The following SHISA9 variants were observed in gnomAD, a reference collection of about 807,000 sequenced individuals.
The protein encoded by SHISA9 is shisa family member 9, also known as protein shisa-9.
In SHISA9, 13 loss-of-function variants were observed where a neutral mutation model predicts 38.0. The observed-to-expected ratio is 0.34, with a 90% CI of 0.22 to 0.54. The LOEUF (loss-of-function observed/expected upper bound fraction) is 0.54. Ranked by LOEUF, SHISA9 falls within the 20% of genes least tolerant of loss-of-function variation. SHISA9 has a pLI of 0.91. For synonymous variants in SHISA9, 275 were observed against 242.0 expected, an observed-to-expected ratio of 1.14 and a Z score of -1.27; for missense variants, 538 against 575.8, an observed-to-expected ratio of 0.93 and a Z score of 0.67.
intron 2 of SHISA9, among the ~76,000 whole-genome samples, chr16:13,112,451 T>A (rs1041673857): frequency 7.7e-6 from 1 of 130,172 alleles, no homozygotes; most frequent in African/African-American, 3.1e-5. Context: ...ATTGGTTTTA[T>A]GGAGCTTTAC....
At chr16:13,472,099 C>T in the SHISA9 span, among the ~76,000 whole-genome samples, 1 of 152,150 alleles carries the variant, frequency 6.6e-6, no homozygotes, top group Non-Finnish European at 1.5e-5. Flanking sequence ...GCTGTGTTTT[C>T]ATTCCCTGTT....
chr16:13,291,813 C>G, the SHISA9 span, among the ~76,000 whole-genome samples: 92 of 152,198 alleles, frequency 6.0e-4, no homozygotes, highest in African/African-American at 2.1e-3. Context: ...AAAAAGCATA[C>G]TCTTATATCA....
At chr16:13,413,676 G>T in the SHISA9 span, among the ~76,000 whole-genome samples, 1 of 134,220 alleles carries the variant, frequency 7.5e-6, no homozygotes, top group Non-Finnish European at 1.5e-5. Context: ...AAAATTGCTA[G>T]AACCTGGAAG....
chr16:12,965,414 T>C (rs1329181219), intron 2 of SHISA9, among the ~76,000 whole-genome samples: 1 of 152,176 alleles, frequency 6.6e-6, no homozygotes, highest in East Asian at 1.9e-4. Flanking sequence ...CTTACTCCTT[T>C]CTCCAGCCCT....
chr16:13,474,869 C>T, the SHISA9 span, among the ~76,000 whole-genome samples: 1 of 152,074 alleles, frequency 6.6e-6, no homozygotes, highest in Non-Finnish European at 1.5e-5. Flanking sequence ...GTTGAAGGAA[C>T]AGCAAAAAGG....
chr16:13,140,023 G>C (rs896079536), intron 2 of SHISA9, among the ~76,000 whole-genome samples: 3 of 151,296 alleles, frequency 2.0e-5, no homozygotes, highest in African/African-American at 7.3e-5. Context: ...ATTCCTTCTT[G>C]TTTTGCGAGT....
intron 1 of SHISA9, chr16:12,902,930 C>A (rs2071040259): frequency 5.7e-6 from 2 of 351,182 alleles, no homozygotes; most frequent in South Asian, 1.3e-4. Flanking sequence ...ACTTGAGACA[C>A]GTAGCCTGGG....
At chr16:13,391,581 T>G in the SHISA9 span, among the ~76,000 whole-genome samples, 1 of 152,140 alleles carries the variant, frequency 6.6e-6, no homozygotes, top group Non-Finnish European at 1.5e-5. Context: ...TCCAAGCCAG[T>G]GGTTCTAGAC....
chr16:13,449,769 T>C, the SHISA9 span, among the ~76,000 whole-genome samples: 1 of 152,156 alleles, frequency 6.6e-6, no homozygotes, highest in Non-Finnish European at 1.5e-5. Context: ...ACCTTCACCA[T>C]TATATTGTAG....
At chr16:13,525,425 C>T in the SHISA9 span, among the ~76,000 whole-genome samples, 1 of 152,206 alleles carries the variant, frequency 6.6e-6, no homozygotes, top group Non-Finnish European at 1.5e-5. Flanking sequence ...TAACAAAAAA[C>T]TGGATGAGTT....
At chr16:13,315,397 T>C in the SHISA9 span, among the ~76,000 whole-genome samples, 1 of 152,224 alleles carries the variant, frequency 6.6e-6, no homozygotes, top group South Asian at 2.1e-4. Flanking sequence ...GTCACTACAG[T>C]ACCCAATCTT....
At chr16:13,469,320 G>GAAAGAAAGAAAGAA in the SHISA9 span, among the ~76,000 whole-genome samples, 89 of 61,588 alleles carry the variant, frequency 1.4e-3, 4 homozygotes, top group African/African-American at 3.6e-3. Flanking sequence ...GAGAGAGAGA[G>GAAAGAAAGAAAGAA]AGAAAGAAAG....
intron 4 of SHISA9, among the ~76,000 whole-genome samples, chr16:13,234,400 G>T (rs566935483): frequency 6.6e-6 from 1 of 152,264 alleles, no homozygotes; most frequent in Admixed American, 6.5e-5. Flanking sequence ...TTATTGTAAT[G>T]GCTTTCCTTA....
chr16:13,021,162 G>C (rs1490846217), intron 2 of SHISA9, among the ~76,000 whole-genome samples: 4 of 152,128 alleles, frequency 2.6e-5, no homozygotes, highest in Non-Finnish European at 4.4e-5. Flanking sequence ...TCTCAACCAG[G>C]GACAATTTTG....
intron 2 of SHISA9, among the ~76,000 whole-genome samples, chr16:13,095,921 G>C (rs2073821073): frequency 6.6e-6 from 1 of 152,170 alleles, no homozygotes; most frequent in African/African-American, 2.4e-5. Context: ...CTTATGTCTG[G>C]GGCAGGGCCC....
At chr16:13,225,638 G>A (rs1441887257) in intron 4 of SHISA9, among the ~76,000 whole-genome samples, 1 of 152,168 alleles carries the variant, frequency 6.6e-6, no homozygotes, top group African/African-American at 2.4e-5. Context: ...TGAGTGGTAG[G>A]AACCCCTCCC....
At chr16:13,135,907 C>G (rs540233401) in intron 2 of SHISA9, among the ~76,000 whole-genome samples, 2 of 152,196 alleles carry the variant, frequency 1.3e-5, no homozygotes, top group African/African-American at 4.8e-5. Flanking sequence ...TTCCAGGGCT[C>G]CACTATCAGG....
the SHISA9 span, among the ~76,000 whole-genome samples, chr16:13,380,448 G>A: frequency 6.6e-6 from 1 of 152,132 alleles, no homozygotes; most frequent in Non-Finnish European, 1.5e-5. Context: ...AGTAATGTTA[G>A]AAACTAGAAG....
At chr16:13,553,442 C>G in the SHISA9 span, among the ~76,000 whole-genome samples, 1 of 152,156 alleles carries the variant, frequency 6.6e-6, no homozygotes. Flanking sequence ...CTAACCACTA[C>G]CATTTTACAG....
Sources: gnomAD v4.1 joint callset for allele counts (sites outside exome capture counted in the v4.1 genomes callset) on GRCh38, gnomAD v4.1.1 for gene constraint, MANE v1.5 for transcripts, NCBI Gene and HGNC (gene_info 2026-07-23, HGNC 2026-07-21) for gene names.